The following INPP4B variants were observed in gnomAD, a reference collection of about 807,000 sequenced individuals.
The protein encoded by INPP4B is inositol polyphosphate 4-phosphatase type II.
Under a neutral mutation model 122.5 loss-of-function variants are expected in INPP4B, and 55 were observed. The ratio of observed to expected loss-of-function variants is 0.45; its 90% CI spans 0.36 to 0.56. The LOEUF (loss-of-function observed/expected upper bound fraction) is 0.56. Ranked by LOEUF, INPP4B falls within the 20% of genes least tolerant of loss-of-function variation. The pLI is 0.00. For synonymous variants in INPP4B, 403 were observed against 388.7 expected, an observed-to-expected ratio of 1.04 and a Z score of -0.43; for missense variants, 1,000 against 1,097.7, an observed-to-expected ratio of 0.91 and a Z score of 1.26.
At chr4:142,341,742 T>C (rs1778761614) in intron 7 of INPP4B, among the ~76,000 whole-genome samples, 1 of 152,186 alleles carries the variant, frequency 6.6e-6, no homozygotes, top group Admixed American at 6.5e-5. Flanking sequence ...AACTGGTACT[T>C]ATGGACTTGA....
At chr4:142,799,766 T>A (rs150874095) in intron 1 of INPP4B, among the ~76,000 whole-genome samples, 1 of 151,968 alleles carries the variant, frequency 6.6e-6, no homozygotes, top group South Asian at 2.1e-4. Flanking sequence ...CCCTGTTTTG[T>A]TTTTACTAAA....
chr4:142,490,232 G>A (rs1038427637), intron 2 of INPP4B, among the ~76,000 whole-genome samples: 3 of 151,746 alleles, frequency 2.0e-5, no homozygotes, highest in Admixed American at 6.6e-5. Flanking sequence ...CCACAAATGC[G>A]TGCCACTACC....
chr4:142,455,601 G>A (rs527995677), intron 3 of INPP4B, among the ~76,000 whole-genome samples: 1 of 152,054 alleles, frequency 6.6e-6, no homozygotes, highest in African/African-American at 2.4e-5. Context: ...ATTGTGAACA[G>A]TGCTATAACA....
At chr4:142,196,767 A>T (rs1838405075) in intron 14 of INPP4B, among the ~76,000 whole-genome samples, 1 of 152,124 alleles carries the variant, frequency 6.6e-6, no homozygotes, top group Non-Finnish European at 1.5e-5. Flanking sequence ...GAACATTAAA[A>T]CATCTCAAGG....
At chr4:142,312,575 C>G (rs898711365) in intron 8 of INPP4B, among the ~76,000 whole-genome samples, 1 of 152,186 alleles carries the variant, frequency 6.6e-6, no homozygotes, top group Non-Finnish European at 1.5e-5. Context: ...TGAGCCGAAA[C>G]AGGAAACCAC....
At chr4:142,462,069 C>CT (rs1226754132) in intron 3 of INPP4B, among the ~76,000 whole-genome samples, 4 of 152,102 alleles carry the variant, frequency 2.6e-5, no homozygotes, top group Non-Finnish European at 4.4e-5. Flanking sequence ...TATTTTCTTT[C>CT]TTTTTTTTCT....
Position 142,302,839 on chromosome 4 carries a change from A to C in INPP4B, c.503+2619T>G, listed in dbSNP as rs1470187823. On this transcript the variant is annotated intron_variant, in intron 9 of 25. Transcript: ENST00000262992. Reference sequence around the variant, plus strand: ...GGGAGACAGGAACTACCAAATGCACAGTAGTGAAACAGAGTGGATGTAATA... The same window carrying C: ...GGGAGACAGGAACTACCAAATGCACCGTAGTGAAACAGAGTGGATGTAATA... 5.3e-5 allele frequency among the ~76,000 whole-genome samples: 8 copies of C among 152,290 alleles called. No individual in the cohort carries two copies. In the East Asian group the frequency reaches 1.5e-3, roughly 29 times the overall value.
chr4:142,435,624 C>T (rs1333708911), intron 3 of INPP4B, among the ~76,000 whole-genome samples: 3 of 152,152 alleles, frequency 2.0e-5, no homozygotes, highest in Admixed American at 1.3e-4. Context: ...GCTGGCATGA[C>T]CCAGAGAGTA....
intron 1 of INPP4B, among the ~76,000 whole-genome samples, chr4:142,799,893 A>G (rs186110632): frequency 1.3e-5 from 2 of 152,124 alleles, no homozygotes; most frequent in Admixed American, 6.6e-5. Flanking sequence ...TTGTTCTTCC[A>G]ATATATCAAT....
chr4:142,242,102 A>G (rs1859689794), intron 11 of INPP4B, among the ~76,000 whole-genome samples: 1 of 152,208 alleles, frequency 6.6e-6, no homozygotes, highest in African/African-American at 2.4e-5. Context: ...AAGCTACATT[A>G]TACTTTCTAA....
intron 1 of INPP4B, among the ~76,000 whole-genome samples, chr4:142,753,158 AT>A (rs1769986643): frequency 6.6e-6 from 1 of 152,126 alleles, no homozygotes; most frequent in Non-Finnish European, 1.5e-5. Flanking sequence ...CAATAGTTTT[AT>A]AAGACCGTTC....
chr4:142,352,122 A>G (rs1782101179), intron 7 of INPP4B, among the ~76,000 whole-genome samples: 1 of 151,910 alleles, frequency 6.6e-6, no homozygotes, highest in African/African-American at 2.4e-5. Flanking sequence ...TTGGCCAAAT[A>G]GTGTGTTTTT....
chr4:142,641,066 CT>C (rs1363792943), intron 2 of INPP4B, among the ~76,000 whole-genome samples: 1 of 152,008 alleles, frequency 6.6e-6, no homozygotes, highest in Non-Finnish European at 1.5e-5. Flanking sequence ...AATAATTGCA[CT>C]CCTAGGTATA....
chr4:142,145,306 T>A (rs575002944), intron 18 of INPP4B, among the ~76,000 whole-genome samples: 34 of 152,232 alleles, frequency 2.2e-4, no homozygotes, highest in African/African-American at 7.5e-4. Flanking sequence ...TTCACAAAAA[T>A]CTAGACTTGT....
chr4:142,244,287 CTTTTTTTTTTTTTT>C (rs56945961), intron 11 of INPP4B, among the ~76,000 whole-genome samples: 12 of 73,762 alleles, frequency 1.6e-4, no homozygotes, highest in Non-Finnish European at 2.0e-4. Context: ...GTATATGTGC[CTTTTTTTTTTTTTT>C]TTTTTTTTTT....
At chr4:142,585,728 T>C (rs1001117838) in intron 2 of INPP4B, among the ~76,000 whole-genome samples, 2 of 152,024 alleles carry the variant, frequency 1.3e-5, no homozygotes, top group African/African-American at 4.8e-5. Flanking sequence ...CTCCATACTC[T>C]AGGGCCATGA....
intron 2 of INPP4B, among the ~76,000 whole-genome samples, chr4:142,582,127 C>T (rs1397092072): frequency 2.6e-5 from 4 of 151,288 alleles, no homozygotes; most frequent in Admixed American, 2.6e-4. Context: ...TGTAAAAACC[C>T]AAGTGGTCTT....
At chr4:142,653,428 G>T (rs752638093) in intron 2 of INPP4B, among the ~76,000 whole-genome samples, 10 of 152,126 alleles carry the variant, frequency 6.6e-5, no homozygotes, top group Non-Finnish European at 1.5e-4. Flanking sequence ...CCATCAGAGT[G>T]AACAGACAAC....
At chr4:142,220,402 A>G (rs931901204) in intron 12 of INPP4B, among the ~76,000 whole-genome samples, 1 of 152,172 alleles carries the variant, frequency 6.6e-6, no homozygotes, top group Non-Finnish European at 1.5e-5. Flanking sequence ...CAAAATTTTT[A>G]TTTTACTTTC....
Sources: allele counts gnomAD v4.1 joint callset (sites outside exome capture counted in the v4.1 genomes callset), GRCh38; gene constraint gnomAD v4.1.1; transcripts MANE v1.5; gene names NCBI Gene and HGNC (gene_info 2026-07-23, HGNC 2026-07-21).